MAST2: variants seen among roughly 807,000 people sequenced by gnomAD.
MAST2 encodes microtubule associated serine/threonine kinase 2.
Under a neutral mutation model 147.4 loss-of-function variants are expected in MAST2, and 70 were observed. The ratio of observed to expected loss-of-function variants is 0.47; its 90% CI spans 0.39 to 0.58. MAST2 has a LOEUF of 0.58. MAST2 is among the 20% of genes least tolerant of loss of function. MAST2 has a pLI of 0.00. For missense variants in MAST2, 2,080 were observed against 2,302.3 expected (o/e 0.90, Z 1.98); for synonymous variants, 869 against 896.8 (o/e 0.97, Z 0.55).
At chr1:46,000,187 GTCTGTAA>G (rs1313809199) in intron 6 of MAST2, among the ~76,000 whole-genome samples, 1 of 151,938 alleles carries the variant, frequency 6.6e-6, no homozygotes, top group Non-Finnish European at 1.5e-5. Context: ...GGTGGTGCAG[GTCTGTAA>G]TCCTAGCTGC....
In MAST2 at chr1:46,034,871, T is replaced by C; in HGVS notation, c.4202T>C (p.Leu1401Pro). The change falls in exon 29 of 29, where the codon CTA (leucine) becomes CCA (proline). Residue 1401 changes from leucine (L) to proline (P), a missense_variant. Physicochemically the swap from Leu to Pro is moderately conservative, Grantham distance 98. This residue lies in a region of MAST2 where 1,278 missense variants were observed against 1,304.2 expected (regional missense o/e 0.98). Transcript: ENST00000361297. ...AGTGCGGAGCCACCCCGTTCACCAC[T>C]ACTCAAGAGGGTGCAGTCGGCTGAG... ...PKSAEPPRSP[L>P]LKRVQSAEKL... 1 of 1,614,192 alleles carries C rather than the reference T, an allele frequency of 6.2e-7. No individual in the cohort carries two copies. The highest frequency in any genetic ancestry group is 1.3e-5 in the African/African-American group (1 of 75,060).
intron 3 of MAST2, among the ~76,000 whole-genome samples, chr1:45,833,697 A>C (rs976212168): frequency 4.6e-5 from 7 of 152,124 alleles, no homozygotes; most frequent in Non-Finnish European, 8.8e-5. Context: ...AGCATCTTTC[A>C]TGTGCTTACC....
intron 7 of MAST2, among the ~76,000 whole-genome samples, chr1:46,004,361 CA>C (rs60013733): frequency 0.41 from 45,707 of 112,710 alleles, 7,844 homozygotes; most frequent in East Asian, 0.5. Flanking sequence ...AAGACTATCT[CA>C]AAAAAAAAAA....
At position 46,028,737 on chromosome 1, in the gene MAST2, G is replaced by C. The variant is rs201553050; in HGVS notation, c.2053-31G>C. 5.1e-4 allele frequency: 819 copies of C among 1,613,268 alleles called. 6 individuals carry two copies. The East Asian group carries it at 0.011, about 21-fold the overall frequency. ...GTCATGCCAGTCAGCAGCCTCAGGA[G>C]GCTGAGCCAGCCTGGCTTTTCTGTG... On this transcript the variant is annotated intron_variant, in intron 17 of 28. Transcript: ENST00000361297.
intron 10 of MAST2, among the ~76,000 whole-genome samples, chr1:46,013,569 G>T (rs1490418908): frequency 6.6e-6 from 1 of 151,820 alleles, no homozygotes. Context: ...AATCCCAGCC[G>T]CTCGGGAGGC....
At chr1:45,927,313 C>G (rs184394348) in intron 4 of MAST2, among the ~76,000 whole-genome samples, 1 of 152,114 alleles carries the variant, frequency 6.6e-6, no homozygotes, top group Non-Finnish European at 1.5e-5. Flanking sequence ...TGAGATCAAC[C>G]GGTCTGACCA....
At chr1:45,955,439 A>G (rs1659521224) in intron 4 of MAST2, among the ~76,000 whole-genome samples, 4 of 152,142 alleles carry the variant, frequency 2.6e-5, no homozygotes, top group Non-Finnish European at 5.9e-5. Context: ...TTTTCCACCC[A>G]TAGTTGGTTG....
intron 2 of MAST2, among the ~76,000 whole-genome samples, chr1:45,825,440 T>A (rs1644761687): frequency 6.8e-6 from 1 of 146,216 alleles, no homozygotes; most frequent in Non-Finnish European, 1.5e-5. Context: ...TTATCTTCTC[T>A]TTTTTTTTTT....
chr1:46,032,007 G>A (rs967525478), intron 24 of MAST2, among the ~76,000 whole-genome samples, 171 bp from the exon 25 acceptor site: 2 of 152,124 alleles, frequency 1.3e-5, no homozygotes, highest in African/African-American at 2.4e-5. Context: ...CACCACCACC[G>A]TCTCTTGGGG....
At chr1:45,885,263 A>G (rs12139630) in intron 4 of MAST2, among the ~76,000 whole-genome samples, 67,599 of 151,890 alleles carry the variant, frequency 0.45, 15,242 homozygotes, top group East Asian at 0.62. Flanking sequence ...AGCGAATCCT[A>G]TGGTGTGCTC....
At chr1:45,866,207 G>A (rs1349185012) in intron 3 of MAST2, among the ~76,000 whole-genome samples, 1 of 152,152 alleles carries the variant, frequency 6.6e-6, no homozygotes, top group Non-Finnish European at 1.5e-5. Context: ...TTCAGAGCCC[G>A]TAGGGAGAAC....
chr1:46,013,279 C>G (rs185033643), intron 10 of MAST2, among the ~76,000 whole-genome samples: 1 of 152,112 alleles, frequency 6.6e-6, no homozygotes, highest in African/African-American at 2.4e-5. Context: ...CAGGACCCAA[C>G]CCAGATTTGG....
At chr1:45,878,203 CAAA>C (rs34794896) in intron 3 of MAST2, among the ~76,000 whole-genome samples, 219 of 114,760 alleles carry the variant, frequency 1.9e-3, no homozygotes, top group African/African-American at 4.2e-3. Flanking sequence ...GGCTCTATCT[CAAA>C]AAAAAAAAAA....
intron 5 of MAST2, among the ~76,000 whole-genome samples, chr1:45,960,556 A>T (rs2148915874): frequency 6.6e-6 from 1 of 152,318 alleles, no homozygotes; most frequent in African/African-American, 2.4e-5. Flanking sequence ...TGATTCTGGC[A>T]CATTGTCCTT....
At chr1:45,997,339 G>T (rs1194183609) in intron 5 of MAST2, among the ~76,000 whole-genome samples, 1 of 152,142 alleles carries the variant, frequency 6.6e-6, no homozygotes, top group Non-Finnish European at 1.5e-5. Flanking sequence ...TTGGATTAGG[G>T]GTCCTGTTGC....
At chr1:45,916,620 T>C (rs1297903553) in intron 4 of MAST2, among the ~76,000 whole-genome samples, 1 of 152,246 alleles carries the variant, frequency 6.6e-6, no homozygotes, top group East Asian at 1.9e-4. Flanking sequence ...CAAATTGGTA[T>C]TATTGTTGAT....
intron 1 of MAST2, among the ~76,000 whole-genome samples, chr1:45,812,249 T>G (rs1245581645): frequency 6.6e-6 from 1 of 152,006 alleles, no homozygotes; most frequent in Admixed American, 6.6e-5. Context: ...GGCTAGCTCC[T>G]AAAAAGGTGT....
At chr1:45,867,521 T>C (rs1188871919) in intron 3 of MAST2, among the ~76,000 whole-genome samples, 1 of 151,506 alleles carries the variant, frequency 6.6e-6, no homozygotes, top group African/African-American at 2.4e-5. Context: ...TCTAGTCATA[T>C]AACCACAGCC....
chr1:45,849,067 T>G (rs1246432516), intron 3 of MAST2, among the ~76,000 whole-genome samples: 1 of 152,044 alleles, frequency 6.6e-6, no homozygotes, highest in Admixed American at 6.6e-5. Context: ...AAGACACTGC[T>G]CAAGGAAATC....
Sources: gnomAD v4.1 joint callset for allele counts (sites outside exome capture counted in the v4.1 genomes callset) on GRCh38, gnomAD v4.1.1 for gene constraint, gnomAD v4.1.1 regional missense constraint, MANE v1.5 for transcripts, NCBI Gene and HGNC (gene_info 2026-07-23, HGNC 2026-07-21) for gene names.